The following PTK2B variants were observed in gnomAD, a reference collection of about 807,000 sequenced individuals.
The protein encoded by PTK2B is protein tyrosine kinase 2 beta.
A neutral mutation model predicts 142.9 loss-of-function variants in PTK2B; 71 were observed. That is an observed-to-expected ratio of 0.50 (90% CI 0.41 to 0.61). The LOEUF is 0.61. PTK2B is among the 20% of genes least tolerant of loss of function. The probability of loss-of-function intolerance (pLI) is 0.00; values close to 1 mark genes in which losing one functional copy is unlikely to be tolerated. For missense variants in PTK2B, 1,105 were observed against 1,320.4 expected (o/e 0.84, Z 2.53); for synonymous variants, 519 against 503.4 (o/e 1.03, Z -0.42).
intron 1 of PTK2B, among the ~76,000 whole-genome samples, chr8:27,384,852 G>C (rs1366862700): frequency 6.6e-6 from 1 of 152,164 alleles, no homozygotes; most frequent in African/African-American, 2.4e-5. Context: ...ACCAAGCGCT[G>C]TCTGAGGTTG....
chr8:27,446,047 G>A, intron 24 of PTK2B, 128 bp downstream of exon 24: 1 of 1,377,446 alleles, frequency 7.3e-7, no homozygotes, highest in Non-Finnish European at 9.8e-7. Flanking sequence ...CACCAGTCAG[G>A]CCACTGAGGT....
At chr8:27,333,913 T>C (rs1803905362) in intron 1 of PTK2B, among the ~76,000 whole-genome samples, 1 of 152,074 alleles carries the variant, frequency 6.6e-6, no homozygotes, top group Admixed American at 6.5e-5. Flanking sequence ...TTGAGGAGCT[T>C]GTCTTCTTCA....
In PTK2B at chr8:27,451,731, G is replaced by A. The variant is rs575863701; in HGVS notation, c.2548+222G>A. 272 of 1,407,094 alleles carry A rather than the reference G, an allele frequency of 1.9e-4. 1 individual carries two copies. The African/African-American group carries it at 3.8e-3, about 20-fold the overall frequency. The allele number at this position is 1,407,094 out of a possible 1,614,324, so 87.2% of individuals were successfully genotyped here. A position where few individuals can be genotyped will look rare whatever the true frequency, so the allele number is the denominator to read the frequency against. On this transcript the variant is annotated intron_variant, in intron 27 of 30. Transcript: ENST00000346049. ...GCACCCTGCCCTTCTCTCTCTCAGT[G>A]GCCACATCCTTAGGCCCCTCCTCAG...
intron 18 of PTK2B, among the ~76,000 whole-genome samples, chr8:27,438,567 A>G (rs1186615791): frequency 1.2e-5 from 1 of 81,134 alleles, no homozygotes; most frequent in Non-Finnish European, 2.7e-5. Flanking sequence ...AGACCTAACC[A>G]GTCCTGTGGA....
At chr8:27,445,680 C>A in intron 23 of PTK2B, 114 bp from the exon 24 acceptor site, 2 of 1,460,652 alleles carry the variant, frequency 1.4e-6, no homozygotes, top group Non-Finnish European at 1.9e-6. Flanking sequence ...GGAGAGCAAG[C>A]CCCATTCCCT....
intron 1 of PTK2B, among the ~76,000 whole-genome samples, chr8:27,353,645 G>A (rs1586145129): frequency 6.6e-6 from 1 of 152,190 alleles, no homozygotes; most frequent in Admixed American, 6.5e-5. Context: ...CACTTGAACA[G>A]ATGAGGCAAC....
intron 1 of PTK2B, among the ~76,000 whole-genome samples, chr8:27,361,988 C>T (rs912970771): frequency 6.6e-6 from 1 of 152,226 alleles, no homozygotes; most frequent in Non-Finnish European, 1.5e-5. Flanking sequence ...AAAGGTGATG[C>T]ACCGATCGTG....
rs949202052 is a variant in PTK2B, at chr8:27,419,803, C to T, written c.205-92C>T. 19 of 1,378,306 alleles carry T rather than the reference C, an allele frequency of 1.4e-5. No individual in the cohort carries two copies. In the Admixed American group the frequency reaches 2.6e-4, roughly 19 times the overall value. 85.4% of individuals were successfully genotyped at this position (1,378,306 alleles called of 1,614,324 possible). A position where few individuals can be genotyped will look rare whatever the true frequency, so the allele number is the denominator to read the frequency against. On this transcript the variant is annotated intron_variant, in intron 2 of 30. Coordinates refer to ENST00000346049, the MANE Select transcript of PTK2B (RefSeq NM_173176.3). The stretch of plus-strand genomic sequence containing the variant: ...ATCGAACATGAAGACAGAATCCCAC[C>T]CTAGAGAATCCCACTTTTCAGGTCT...
intron 1 of PTK2B, among the ~76,000 whole-genome samples, chr8:27,372,774 C>T (rs1806437163): frequency 6.6e-6 from 1 of 152,110 alleles, no homozygotes; most frequent in African/African-American, 2.4e-5. Flanking sequence ...GAAGGGTAAC[C>T]CTAGCTGAGG....
intron 1 of PTK2B, among the ~76,000 whole-genome samples, chr8:27,352,256 CT>C (rs902379064): frequency 6.6e-6 from 1 of 152,240 alleles, no homozygotes; most frequent in African/African-American, 2.4e-5. Context: ...GTGCACGTAT[CT>C]TGATAAGCTG....
chr8:27,382,492 A>C (rs952676503), intron 1 of PTK2B, among the ~76,000 whole-genome samples: 1 of 151,868 alleles, frequency 6.6e-6, no homozygotes, highest in African/African-American at 2.4e-5. Context: ...AGGTCAAGAC[A>C]GGAGGATTGC....
intron 1 of PTK2B, among the ~76,000 whole-genome samples, chr8:27,397,080 G>C (rs535758148): frequency 6.6e-6 from 1 of 152,188 alleles, no homozygotes; most frequent in African/African-American, 2.4e-5. Context: ...CATTCCCTCG[G>C]GGCCACTTCT....
chr8:27,380,419 AG>A, intron 1 of PTK2B, among the ~76,000 whole-genome samples: 1 of 152,298 alleles, frequency 6.6e-6, no homozygotes, highest in Middle Eastern at 3.4e-3. Flanking sequence ...AGCTGCCTGC[AG>A]GGGGATTTCT....
chr8:27,311,569 T>C (rs1802974825), exon 1 of PTK2B: 2 of 362,032 alleles, frequency 5.5e-6, no homozygotes, highest in Non-Finnish European at 1.0e-5. Context: ...GCTTCCGTGT[T>C]ACTGGAAACC....
At chr8:27,434,681 A>G (rs1279257557) in intron 13 of PTK2B, 122 bp downstream of exon 13, 1 of 1,134,576 alleles carries the variant, frequency 8.8e-7, no homozygotes, top group Admixed American at 2.2e-5. Flanking sequence ...ATCCTCTCCC[A>G]TAACTTCTCA....
intron 16 of PTK2B, 77 bp downstream of exon 16, chr8:27,437,283 G>A (rs1417448919): frequency 6.4e-7 from 1 of 1,552,456 alleles, no homozygotes; most frequent in Non-Finnish European, 8.9e-7. Context: ...GAACAGTGCA[G>A]GGACCCATGT....
At position 27,397,752 on chromosome 8, in the gene PTK2B, C is replaced by T; in HGVS notation, c.168C>T (p.Phe56=). Residue 56 remains phenylalanine (F), a synonymous_variant, in exon 2 of 31, where the codon TTC becomes TTT. Coordinates refer to ENST00000346049, the MANE Select transcript of PTK2B (RefSeq NM_173176.3). ...YSNSFNPGKN[F]KLVKCTVQTE... ...ACAGCTTCAATCCTGGGAAAAACTT[C>T]AAACTGGTCAAATGCACTGTCCAGA... 6.2e-7 allele frequency: 1 copy of T among 1,614,262 alleles called. No homozygotes were observed. The highest frequency in any genetic ancestry group is 8.5e-7 in the Non-Finnish European group (1 of 1,180,042).
intron 5 of PTK2B, among the ~76,000 whole-genome samples, chr8:27,427,867 C>T (rs971563325): frequency 6.6e-6 from 1 of 152,204 alleles, no homozygotes; most frequent in Admixed American, 6.5e-5. Flanking sequence ...ACCTTTTGGG[C>T]ACCAGGGACC....
rs143484785 is a variant in PTK2B, at chr8:27,356,559, T to C, written c.-38+30878T>C. Among the ~76,000 whole-genome samples, 585 of 152,368 alleles carry C rather than the reference T, an allele frequency of 3.8e-3. 5 individuals carry two copies. Among genetic ancestry groups the C allele is most frequent in the African/African-American group, 0.013 (556 of 41,584 alleles). On this transcript the variant is annotated intron_variant, in intron 1 of 30. Coordinates refer to ENST00000346049, the MANE Select transcript of PTK2B (RefSeq NM_173176.3). Reference sequence around the variant, plus strand: ...CTGAAAAGCCAGTGAATTCATGGAATGCAGTATAGATCCTCACTGCTCACC... The same window carrying C: ...CTGAAAAGCCAGTGAATTCATGGAACGCAGTATAGATCCTCACTGCTCACC...
Sources: allele counts gnomAD v4.1 joint callset (sites outside exome capture counted in the v4.1 genomes callset), GRCh38; gene constraint gnomAD v4.1.1; transcripts MANE v1.5; gene names NCBI Gene and HGNC (gene_info 2026-07-23, HGNC 2026-07-21).